Variants in ACP1 observed in about 807,000 individuals in gnomAD.
ACP1 encodes the protein low molecular weight phosphotyrosine protein phosphatase.
ACP1 carries 23 observed loss-of-function variants against 23.4 expected under a neutral mutation model. The observed-to-expected ratio is 0.98, with a 90% CI of 0.71 to 1.39. ACP1 has a LOEUF of 1.39. Ranked by LOEUF, ACP1 falls within the 40% of genes most tolerant of loss-of-function variation. The pLI, the probability that ACP1 is intolerant of heterozygous loss-of-function variation, is 0.00. For missense variants in ACP1, 180 were observed against 197.7 expected (o/e 0.91, Z 0.54); for synonymous variants, 72 against 67.2 (o/e 1.07, Z -0.35).
At chr2:271,998 C>CAAAAAAAAAAAAAAAA (rs34887991) in intron 2 of ACP1, 39 bp from the exon 3 acceptor site, 1 of 1,317,770 alleles carries the variant, frequency 7.6e-7, no homozygotes. Flanking sequence ...CAGGAAATTG[C>CAAAAAAAAAAAAAAAA]AAAAAAAAAA....
At chr2:269,070 A>C (rs1010923735) in intron 1 of ACP1, among the ~76,000 whole-genome samples, 2 of 152,226 alleles carry the variant, frequency 1.3e-5, no homozygotes, top group Non-Finnish European at 2.9e-5. Context: ...TAATTGTCTT[A>C]ATTTGGAATA....
chr2:274,313 T>C (rs550535323), intron 3 of ACP1, among the ~76,000 whole-genome samples: 13 of 152,362 alleles, frequency 8.5e-5, no homozygotes, highest in African/African-American at 2.6e-4. Context: ...AGAACAGGTA[T>C]ACACTTTCCA....
chr2:273,678 C>G (rs1355740873), intron 3 of ACP1, among the ~76,000 whole-genome samples: 2 of 152,172 alleles, frequency 1.3e-5, no homozygotes, highest in Non-Finnish European at 2.9e-5. Context: ...TCATTTATAG[C>G]TGCAAGTGGA....
chr2:275,859 TTGA>T (rs1248528444), intron 4 of ACP1, among the ~76,000 whole-genome samples: 1 of 152,260 alleles, frequency 6.6e-6, no homozygotes, highest in African/African-American at 2.4e-5. Flanking sequence ...TCTCATGTTT[TTGA>T]TGAAGATAAA....
rs1180680808 is a variant in ACP1 at position 264,987 on chromosome 2, C to T, written c.23C>T (p.Ser8Phe). Residue 8 changes from serine to phenylalanine, a missense_variant, in exon 1 of 6, where the codon TCC (serine) becomes TTC (phenylalanine). By Grantham distance (155) the Ser-to-Phe change is radical. Transcript: ENST00000272065. ...AAGATGGCGGAACAGGCTACCAAGT[C>T]CGTGCTGTTTGTGTGTCTGGGTAAG... Reference protein sequence around the residue: MAEQATKSVLFVCLGNIC... With the variant: MAEQATKFVLFVCLGNIC... 1.9e-6 allele frequency: 3 copies of T among 1,613,168 alleles called. No individual in the cohort carries two copies. The highest frequency in any genetic ancestry group is 1.1e-5 in the South Asian group (1 of 90,982).
At chr2:274,228 G>A (rs1670114635) in intron 3 of ACP1, among the ~76,000 whole-genome samples, 3 of 152,102 alleles carry the variant, frequency 2.0e-5, no homozygotes, top group African/African-American at 7.2e-5. Flanking sequence ...CAATGTCATG[G>A]GAGTGTTGAC....
intron 1 of ACP1, 74 bp from the exon 2 acceptor site, chr2:271,792 G>A: frequency 8.5e-7 from 1 of 1,183,382 alleles, no homozygotes; most frequent in Non-Finnish European, 1.3e-6. Context: ...TGTCAGGTGT[G>A]TAAAGAAGGG....
In ACP1 at chr2:277,680, G is replaced by A. The variant is rs1670214415; in HGVS notation, c.*376G>A. 4.0e-6 allele frequency: 1 copy of A among 249,178 alleles called. No homozygotes were observed. The allele number at this position is 249,178 out of a possible 1,614,324, so 15.4% of individuals were successfully genotyped here. On this transcript the variant is annotated 3_prime_UTR_variant, in exon 6 of 6. Coordinates refer to ENST00000272065, the MANE Select transcript of ACP1 (RefSeq NM_004300.4). Reference sequence around the variant, plus strand: ...ATAATCGAGTCTACCTCTTCAGTAGGTTTGTGTGGATGGCCTGGAGGGCAG... The same window carrying A: ...ATAATCGAGTCTACCTCTTCAGTAGATTTGTGTGGATGGCCTGGAGGGCAG...
intron 3 of ACP1, chr2:272,567 T>C: frequency 9.8e-7 from 1 of 1,022,434 alleles, no homozygotes; most frequent in Non-Finnish European, 1.4e-6. Flanking sequence ...TGAGCGGTGC[T>C]CTGTCTTCTG....
At chr2:276,547 T>A (rs940081498) in intron 4 of ACP1, among the ~76,000 whole-genome samples, 1 of 152,124 alleles carries the variant, frequency 6.6e-6, no homozygotes, top group Non-Finnish European at 1.5e-5. Flanking sequence ...GCTTAAGGAA[T>A]AAAAGATGGA....
intron 1 of ACP1, among the ~76,000 whole-genome samples, chr2:267,145 C>T (rs1046501448): frequency 6.6e-6 from 1 of 152,150 alleles, no homozygotes; most frequent in Non-Finnish European, 1.5e-5. Context: ...TAATATTTTC[C>T]AACTGAAGCT....
At chr2:268,730 A>C (rs1003764161) in intron 1 of ACP1, among the ~76,000 whole-genome samples, 5 of 152,240 alleles carry the variant, frequency 3.3e-5, no homozygotes, top group African/African-American at 1.2e-4. Flanking sequence ...ACAGATTGAA[A>C]CATTTTTTAA....
intron 4 of ACP1, 103 bp downstream of exon 4, chr2:275,304 A>G: frequency 1.7e-6 from 1 of 584,764 alleles, no homozygotes; most frequent in East Asian, 2.7e-5. Context: ...AGGTTTTAAT[A>G]GTCAGTGATG....
chr2:270,066 G>C lies in ACP1; in HGVS notation c.44-1800G>C, dbSNP rs897827308. Among the ~76,000 whole-genome samples the C allele has an allele frequency of 1.3e-5, 2 of 152,054 alleles. 1 individual carries two copies. The highest frequency in any genetic ancestry group is 4.2e-4 in the South Asian group (2 of 4,818). On this transcript the variant is annotated intron_variant, in intron 1 of 5. Coordinates refer to ENST00000272065, the MANE Select transcript of ACP1 (RefSeq NM_004300.4). ...CTGTCTTGTATTTGCTCCTTCATAC[G>C]AGCCTCTTACAAGGTCTCTCCAATT...
chr2:273,533 C>T (rs754303661), intron 3 of ACP1, among the ~76,000 whole-genome samples: 5 of 152,194 alleles, frequency 3.3e-5, no homozygotes, highest in African/African-American at 4.8e-5. Context: ...CTGTAGTTCG[C>T]GGCTGCTTTT....
chr2:269,463 G>T (rs905175614), intron 1 of ACP1: 2 of 405,748 alleles, frequency 4.9e-6, no homozygotes, highest in African/African-American at 4.2e-5. Flanking sequence ...GATCCTCATT[G>T]TATTTGTTTA....
intron 4 of ACP1, chr2:275,614 G>A (rs1030236862): frequency 1.3e-5 from 2 of 154,942 alleles, no homozygotes; most frequent in African/African-American, 2.4e-5. Context: ...GTAAAAGAAG[G>A]AAGTGAGAAA....
At chr2:270,664 G>A (rs1438174103) in intron 1 of ACP1, among the ~76,000 whole-genome samples, 1 of 152,034 alleles carries the variant, frequency 6.6e-6, no homozygotes, top group Non-Finnish European at 1.5e-5. Context: ...AACCCATTGT[G>A]TCTCCCTCCG....
At chr2:269,404 G>T in intron 1 of ACP1, 1 of 461,868 alleles carries the variant, frequency 2.2e-6, no homozygotes, top group Non-Finnish European at 4.5e-6. Context: ...GTAAGGCAGT[G>T]AGTTGGTTTT....
Sources: gnomAD v4.1 joint callset for allele counts (sites outside exome capture counted in the v4.1 genomes callset) on GRCh38, gnomAD v4.1.1 for gene constraint, MANE v1.5 for transcripts, NCBI Gene and HGNC (gene_info 2026-07-23, HGNC 2026-07-21) for gene names.